Variants in C2orf78 observed in about 807,000 individuals in gnomAD.
The protein encoded by C2orf78 is uncharacterized protein C2orf78.
Under a neutral mutation model 21.4 loss-of-function variants are expected in C2orf78, and 12 were observed. That is an observed-to-expected ratio of 0.56 (90% CI 0.36 to 0.91). The LOEUF is 0.91. Among genes scored for constraint, C2orf78 ranks in the 40% least tolerant of loss-of-function variants. The pLI is 0.01. For synonymous variants in C2orf78, 396 were observed against 413.9 expected, an observed-to-expected ratio of 0.96 and a Z score of 0.52; for missense variants, 1,042 against 1,092.4, an observed-to-expected ratio of 0.95 and a Z score of 0.65.
At chr2:73,784,204 C>G in exon 1 of C2orf78, 1 of 1,510,766 alleles carries the variant, frequency 6.6e-7, no homozygotes, top group Non-Finnish European at 8.8e-7. Context: ...AAACCGACCA[C>G]CACCTGGTAG....
rs566174735 is a variant in C2orf78, at chr2:73,812,104, T to G, written c.98-1373T>G. 3.9e-5 allele frequency among the ~76,000 whole-genome samples: 6 copies of G among 152,290 alleles called. No individual in the cohort carries two copies. In the East Asian group the frequency reaches 1.2e-3, roughly 29 times the overall value. ...TATACATTTTCTGCTTCTTACACAC[T>G]TTTTGCTGATACAATTTCTCTGTCT... On this transcript the variant is annotated intron_variant, in intron 1 of 2. Coordinates refer to ENST00000409561, the Ensembl canonical transcript of C2orf78.
exon 3 of C2orf78, chr2:73,815,373 G>A (rs1673171221): frequency 1.9e-6 from 3 of 1,613,818 alleles, no homozygotes; most frequent in African/African-American, 2.7e-5. Flanking sequence ...AGGAAATCAA[G>A]ATCCTCCACT....
In C2orf78 at chr2:73,814,085, G is replaced by T; in HGVS notation, c.706G>T (p.Gly236Ter). ...ATCTTATGGCTCTGTGTCATACACAGGATATAGGGCTTCTGCCCATCAACC... is the reference window on the plus strand; with the variant it reads ...ATCTTATGGCTCTGTGTCATACACATGATATAGGGCTTCTGCCCATCAACC... Residue 236 changes from glycine (G) to a stop codon, truncating the protein, a stop_gained, in exon 2 of 3, where the codon GGA (glycine) becomes TGA (stop). Transcript: ENST00000409561. LOFTEE classifies it high-confidence loss of function. 1 of 1,613,442 alleles carries T rather than the reference G, an allele frequency of 6.2e-7. No individual in the cohort carries two copies. Among genetic ancestry groups the T allele is most frequent in the East Asian group, 2.2e-5 (1 of 44,856 alleles).
At chr2:73,810,964 T>C (rs1419810603) in intron 1 of C2orf78, among the ~76,000 whole-genome samples, 1 of 141,484 alleles carries the variant, frequency 7.1e-6, no homozygotes, top group East Asian at 2.0e-4. Flanking sequence ...TATACATGTA[T>C]ATTTCATATA....
exon 3 of C2orf78, chr2:73,816,008 G>C: frequency 6.2e-7 from 1 of 1,613,920 alleles, no homozygotes; most frequent in African/African-American, 1.3e-5. Context: ...AAAAAGTCAA[G>C]GTAGAAGAGA....
exon 3 of C2orf78, chr2:73,815,579 C>T (rs1261716981): frequency 1.9e-6 from 3 of 1,613,852 alleles, no homozygotes; most frequent in African/African-American, 1.3e-5. Flanking sequence ...AGGATACTTA[C>T]CTCCCCCCGA....
intron 1 of C2orf78, among the ~76,000 whole-genome samples, chr2:73,798,007 T>C (rs1672955429): frequency 1.8e-5 from 1 of 56,398 alleles, no homozygotes; most frequent in Non-Finnish European, 4.1e-5. Context: ...GAGATCCAAG[T>C]CCAACCTGGC....
At chr2:73,811,316 T>C (rs1447824996) in intron 1 of C2orf78, among the ~76,000 whole-genome samples, 1 of 151,962 alleles carries the variant, frequency 6.6e-6, no homozygotes, top group African/African-American at 2.4e-5. Flanking sequence ...AAATGTTGCT[T>C]CCTACAAACA....
rs1309812615 is a variant in C2orf78, at chr2:73,807,894, G to A, written c.98-5583G>A. Reference sequence around the variant, plus strand: ...TTGGACCACATCATTTCCTACAAGGGGCAATCAACAAACTTTGCTGTTCAA... The same window carrying A: ...TTGGACCACATCATTTCCTACAAGGAGCAATCAACAAACTTTGCTGTTCAA... On this transcript the variant is annotated intron_variant, in intron 1 of 2. Coordinates refer to ENST00000409561, the Ensembl canonical transcript of C2orf78. 1.3e-5 allele frequency among the ~76,000 whole-genome samples: 2 copies of A among 150,072 alleles called. 1 individual carries two copies. Among genetic ancestry groups the A allele is most frequent in the African/African-American group, 5.0e-5 (2 of 39,882 alleles).
At chr2:73,815,347 T>C (rs528446840) in exon 3 of C2orf78, 2 of 1,613,956 alleles carry the variant, frequency 1.2e-6, no homozygotes, top group Non-Finnish European at 1.7e-6. Context: ...CCTCTAGATG[T>C]CCACCAGATC....
At chr2:73,816,698 G>A in exon 3 of C2orf78, 1 of 1,613,948 alleles carries the variant, frequency 6.2e-7, no homozygotes, top group Non-Finnish European at 8.5e-7. Context: ...CTCTGCAGCG[G>A]GAGCCTGTTT....
exon 3 of C2orf78, chr2:73,815,385 C>T: frequency 6.2e-7 from 1 of 1,613,988 alleles, no homozygotes; most frequent in Non-Finnish European, 8.5e-7. Context: ...TCCTCCACTA[C>T]TTCCTGTAGA....
intron 1 of C2orf78, among the ~76,000 whole-genome samples, chr2:73,811,164 G>A (rs566378310): frequency 6.6e-5 from 10 of 151,530 alleles, no homozygotes; most frequent in South Asian, 2.1e-4. Context: ...GGTGACAGGC[G>A]CCTGTAAACC....
At chr2:73,816,618 C>A (rs759039270) in exon 3 of C2orf78, 38 of 1,613,098 alleles carry the variant, frequency 2.4e-5, no homozygotes, top group Admixed American at 1.0e-4. Flanking sequence ...TTCAGCCAAC[C>A]CTACCCAGCC....
At chr2:73,811,750 C>G (rs544394177) in intron 1 of C2orf78, among the ~76,000 whole-genome samples, 3 of 151,880 alleles carry the variant, frequency 2.0e-5, no homozygotes, top group Admixed American at 2.0e-4. Flanking sequence ...TTTTCCTGGA[C>G]GTTGGAGATG....
chr2:73,813,176 G>A (rs1369085320), intron 1 of C2orf78, among the ~76,000 whole-genome samples: 1 of 152,164 alleles, frequency 6.6e-6, no homozygotes, highest in African/African-American at 2.4e-5. Flanking sequence ...TACTAGCCCA[G>A]ATTCAAGGGA....
intron 1 of C2orf78, among the ~76,000 whole-genome samples, chr2:73,809,504 G>C (rs1673027534): frequency 6.6e-6 from 1 of 151,918 alleles, no homozygotes; most frequent in East Asian, 1.9e-4. Flanking sequence ...TTAATATTCA[G>C]TTGGGCGTGG....
chr2:73,811,266 G>A (rs1454213238), intron 1 of C2orf78, among the ~76,000 whole-genome samples: 2 of 152,018 alleles, frequency 1.3e-5, no homozygotes, highest in East Asian at 1.9e-4. Flanking sequence ...ACTCCAGTCT[G>A]TAGGATAGAG....
At chr2:73,812,157 T>C (rs762606473) in intron 1 of C2orf78, among the ~76,000 whole-genome samples, 12 of 152,176 alleles carry the variant, frequency 7.9e-5, no homozygotes, top group Non-Finnish European at 1.6e-4. Flanking sequence ...ATTCATTCAT[T>C]CTATTATGGG....
Sources: allele counts gnomAD v4.1 joint callset (sites outside exome capture counted in the v4.1 genomes callset), GRCh38; gene constraint gnomAD v4.1.1; transcripts MANE v1.5; gene names NCBI Gene and HGNC (gene_info 2026-07-23, HGNC 2026-07-21).